Variants in MAP2K6 observed in about 807,000 individuals in gnomAD.
MAP2K6 encodes dual specificity mitogen-activated protein kinase kinase 6.
MAP2K6 carries 16 observed loss-of-function variants against 53.7 expected under a neutral mutation model. The observed-to-expected ratio is 0.30, with a 90% CI of 0.20 to 0.45. The LOEUF is 0.45. Among genes scored for constraint, MAP2K6 ranks in the 20% least tolerant of loss-of-function variants. The pLI is 1.00. For synonymous variants in MAP2K6, 132 were observed against 143.1 expected (o/e 0.92, Z 0.55); for missense variants, 204 against 411.9 (o/e 0.50, Z 4.37).
chr17:69,470,038 C>T (rs1907937064), intron 1 of MAP2K6, among the ~76,000 whole-genome samples: 1 of 151,658 alleles, frequency 6.6e-6, no homozygotes, highest in South Asian at 2.1e-4. Flanking sequence ...CCCATCTCTA[C>T]AAAAAAAATC....
chr17:69,474,470 T>C (rs1251941434), intron 1 of MAP2K6, among the ~76,000 whole-genome samples: 1 of 152,238 alleles, frequency 6.6e-6, no homozygotes, highest in African/African-American at 2.4e-5. Context: ...TGCGTTCATC[T>C]CTGCCTGAAC....
At chr17:69,468,379 A>G (rs1907880371) in intron 1 of MAP2K6, among the ~76,000 whole-genome samples, 3 of 152,198 alleles carry the variant, frequency 2.0e-5, no homozygotes, top group Admixed American at 2.0e-4. Context: ...TAATTCAACA[A>G]CCATTTACGA....
At chr17:69,533,913 GAC>G (rs1406692532) in intron 10 of MAP2K6, among the ~76,000 whole-genome samples, 2 of 152,106 alleles carry the variant, frequency 1.3e-5, no homozygotes, top group Non-Finnish European at 1.5e-5. Flanking sequence ...TAAAGACAAA[GAC>G]AAACCAGCTG....
intron 11 of MAP2K6, among the ~76,000 whole-genome samples, chr17:69,539,645 T>G (rs1324504022): frequency 1.3e-5 from 2 of 152,210 alleles, no homozygotes; most frequent in Admixed American, 6.5e-5. Flanking sequence ...GTCAGGTTAT[T>G]TAATTCATTT....
chr17:69,543,555 T>C lies in MAP2K6; in HGVS notation c.*1802T>C, dbSNP rs1911751002. On this transcript the variant is annotated 3_prime_UTR_variant, in exon 12 of 12. Coordinates refer to ENST00000590474, the MANE Select transcript of MAP2K6 (RefSeq NM_002758.4). ...AAAAGGAGTATCACCCTAGTGATTA[T>C]GGCTGTTCACTTTCCCATCTATCTT... The C allele has an allele frequency of 6.6e-6, 1 of 152,216 alleles. No homozygotes were observed. The highest frequency in any genetic ancestry group is 6.5e-5 in the Admixed American group (1 of 15,288). The allele number at this position is 152,216 out of a possible 1,614,324, so 9.4% of individuals were successfully genotyped here. A position where few individuals can be genotyped will look rare whatever the true frequency, so the allele number is the denominator to read the frequency against.
chr17:69,431,630 G>C (rs1906463931), intron 1 of MAP2K6, among the ~76,000 whole-genome samples: 1 of 152,182 alleles, frequency 6.6e-6, no homozygotes, highest in African/African-American at 2.4e-5. Context: ...CCTGGTAGGA[G>C]CTAAGTAAGG....
intron 10 of MAP2K6, among the ~76,000 whole-genome samples, chr17:69,533,731 G>GTTTTTTTTTTTTTTTTT (rs199915836): frequency 8.7e-6 from 1 of 114,986 alleles, no homozygotes. Context: ...CTTCTAGCCT[G>GTTTTTTTTTTTTTTTTT]TTTGTTTTTT....
In MAP2K6 at chr17:69,541,825, C is replaced by A; in HGVS notation, c.*72C>A. On this transcript the variant is annotated 3_prime_UTR_variant, in exon 12 of 12. Coordinates refer to ENST00000590474, the MANE Select transcript of MAP2K6 (RefSeq NM_002758.4). ...TCGGGGTGAAGCAAGTTCACTACAG[C>A]ATCAATAGAAAGTCATCTTTGAGAT... 2 of 1,092,646 alleles carry A rather than the reference C, an allele frequency of 1.8e-6. No individual in the cohort carries two copies. Among genetic ancestry groups the A allele is most frequent in the South Asian group, 1.3e-5 (1 of 75,608 alleles). 67.7% of individuals were successfully genotyped at this position (1,092,646 alleles called of 1,614,324 possible). A position where few individuals can be genotyped will look rare whatever the true frequency, so the allele number is the denominator to read the frequency against.
intron 1 of MAP2K6, among the ~76,000 whole-genome samples, chr17:69,431,868 A>G (rs1906471973): frequency 6.6e-6 from 1 of 152,230 alleles, no homozygotes; most frequent in Admixed American, 6.5e-5. Context: ...TATTTTGGCT[A>G]AACTTTCTGG....
At chr17:69,505,652 A>G (rs773249714) in intron 1 of MAP2K6, 128 bp from the exon 2 acceptor site, 12 of 737,568 alleles carry the variant, frequency 1.6e-5, no homozygotes, top group African/African-American at 1.4e-4. Context: ...CCTGGGTAGG[A>G]AGTGGCGCTT....
Position 69,536,177 on chromosome 17 carries a change from A to G in MAP2K6, c.927+17A>G, listed in dbSNP as rs756034760. On this transcript the variant is annotated intron_variant, in intron 11 of 11. Coordinates refer to ENST00000590474, the MANE Select transcript of MAP2K6 (RefSeq NM_002758.4). Reference sequence around the variant, plus strand: ...GAGCTAATGGTGAGTATTGTTAGCAACGTAAACATGACTATACTGATAGCT... The same window carrying G: ...GAGCTAATGGTGAGTATTGTTAGCAGCGTAAACATGACTATACTGATAGCT... 5 of 1,603,494 alleles carry G rather than the reference A, an allele frequency of 3.1e-6. No individual in the cohort carries two copies. The highest frequency in any genetic ancestry group is 4.3e-6 in the Non-Finnish European group (5 of 1,171,964).
intron 1 of MAP2K6, among the ~76,000 whole-genome samples, chr17:69,450,430 C>A (rs1444017496): frequency 6.6e-6 from 1 of 152,214 alleles, no homozygotes. Context: ...CCAGATGGTG[C>A]ACCTGCACCC....
chr17:69,516,796 G>A, intron 2 of MAP2K6, 59 bp from the exon 3 acceptor site: 4 of 1,256,648 alleles, frequency 3.2e-6, no homozygotes, highest in Admixed American at 1.9e-5. Context: ...GTGTGATTTG[G>A]GAAGGACATA....
chr17:69,458,702 G>A (rs1391555704), intron 1 of MAP2K6, among the ~76,000 whole-genome samples: 4 of 152,130 alleles, frequency 2.6e-5, no homozygotes, highest in Non-Finnish European at 5.9e-5. Context: ...CTTACCTTGT[G>A]CAGTGTCTCC....
chr17:69,466,140 G>A (rs529101984), intron 1 of MAP2K6, among the ~76,000 whole-genome samples: 51 of 148,648 alleles, frequency 3.4e-4, no homozygotes, highest in African/African-American at 1.2e-3. Flanking sequence ...GCAAAAATTA[G>A]CCAAGCATGG....
intron 1 of MAP2K6, chr17:69,477,102 G>C (rs767380792): frequency 2.6e-5 from 4 of 152,232 alleles, no homozygotes; most frequent in African/African-American, 4.8e-5. Flanking sequence ...CATTTCTGCT[G>C]TCTGCTAACT....
chr17:69,495,470 A>G (rs966598494), intron 1 of MAP2K6, among the ~76,000 whole-genome samples: 1 of 152,150 alleles, frequency 6.6e-6, no homozygotes, highest in Admixed American at 6.5e-5. Flanking sequence ...TCCAGACCTC[A>G]GGTGATCCAC....
At chr17:69,519,544 T>C in intron 5 of MAP2K6, 112 bp downstream of exon 5, 1 of 1,329,170 alleles carries the variant, frequency 7.5e-7, no homozygotes, top group Non-Finnish European at 1.1e-6. Flanking sequence ...TGACACATCT[T>C]GTATACGGGG....
At chr17:69,508,073 C>T (rs1159716913) in intron 2 of MAP2K6, among the ~76,000 whole-genome samples, 1 of 23,872 alleles carries the variant, frequency 4.2e-5, no homozygotes, top group Non-Finnish European at 7.4e-5. Flanking sequence ...TTTTTTGAGA[C>T]GGAGTTTCGC....
Sources: gnomAD v4.1 joint callset for allele counts (sites outside exome capture counted in the v4.1 genomes callset) on GRCh38, gnomAD v4.1.1 for gene constraint, MANE v1.5 for transcripts, NCBI Gene and HGNC (gene_info 2026-07-23, HGNC 2026-07-21) for gene names.